The following RABIF variants were observed in gnomAD, a reference collection of about 807,000 sequenced individuals.
RABIF encodes guanine nucleotide exchange factor MSS4.
A neutral mutation model predicts 12.3 loss-of-function variants in RABIF; 13 were observed. The observed-to-expected ratio is 1.06, with a 90% CI of 0.69 to 1.68. The LOEUF (loss-of-function observed/expected upper bound fraction) is 1.68, where lower values mean the gene tolerates loss of function less well. Ranked by LOEUF, RABIF falls within the 40% of genes most tolerant of loss-of-function variation. RABIF has a pLI of 0.00. For missense variants in RABIF, 153 were observed against 158.0 expected (o/e 0.97, Z 0.17); for synonymous variants, 70 against 63.3 (o/e 1.11, Z -0.50).
chr1:202,879,679 T>A lies in RABIF; in HGVS notation c.*1299A>T, dbSNP rs1659459703. On this transcript the variant is annotated 3_prime_UTR_variant, in exon 2 of 2. Transcript: ENST00000367262. Reference sequence around the variant, plus strand: ...TGCCCAAGGCCACCTTGCACTGCAGTCGGGGAGCCCTTAGAAAGTTTGGGG... The same window carrying A: ...TGCCCAAGGCCACCTTGCACTGCAGACGGGGAGCCCTTAGAAAGTTTGGGG... 1 of 152,194 alleles carries A rather than the reference T, an allele frequency of 6.6e-6. No homozygotes were observed. The highest frequency in any genetic ancestry group is 1.5e-5 in the Non-Finnish European group (1 of 68,052). 9.4% of individuals were successfully genotyped at this position (152,194 alleles called of 1,614,324 possible).
chr1:202,889,028 T>G lies in RABIF; in HGVS notation c.71A>C (p.Gln24Pro), dbSNP rs201710125. The change falls in exon 1 of 2, where the codon CAG (glutamine) becomes CCG (proline). Residue 24 changes from glutamine (Q) to proline (P), a missense_variant. Transcript: ENST00000367262. ...EGRNRKAVLC[Q>P]RCGSRVLQPG... ...CTGCAGCACCCGGGAGCCGCAACGC[T>G]GGCACAGCACCGCCTTCCGGTTTCG... The G allele has an allele frequency of 8.7e-6, 14 of 1,608,140 alleles. 1 individual carries two copies. In the Admixed American group the frequency reaches 1.9e-4, roughly 21 times the overall value.
chr1:202,888,904 C>T, intron 1 of RABIF, 69 bp downstream of exon 1: 1 of 1,445,864 alleles, frequency 6.9e-7, no homozygotes, highest in Non-Finnish European at 9.1e-7. Flanking sequence ...AGCCGGGGTT[C>T]AGATTCTGAC....
In RABIF at chr1:202,880,953, T is replaced by C; in HGVS notation, c.*25A>G. On this transcript the variant is annotated 3_prime_UTR_variant, in exon 2 of 2. Transcript: ENST00000367262. ...TGGGGAGTAGGTTTATCTTTGGAGA[T>C]GGAGCTGAGTACCCCTCCCCTCAGT... 5 of 1,610,020 alleles carry C rather than the reference T, an allele frequency of 3.1e-6. No individual in the cohort carries two copies. The highest frequency in any genetic ancestry group is 4.2e-6 in the Non-Finnish European group (5 of 1,176,726).
chr1:202,880,658 A>T lies in RABIF; in HGVS notation c.*320T>A. On this transcript the variant is annotated 3_prime_UTR_variant, in exon 2 of 2. Transcript: ENST00000367262. ...ATACTGCTCTTCTAGAGCAAGAAAA[A>T]GCGGGAGCCCCTGGGCAAAACAGAG... 9.7e-7 allele frequency: 1 copy of T among 1,031,676 alleles called. No individual in the cohort carries two copies. The highest frequency in any genetic ancestry group is 1.2e-6 in the Non-Finnish European group (1 of 847,216). The allele number at this position is 1,031,676 out of a possible 1,614,324, so 63.9% of individuals were successfully genotyped here.
In RABIF at chr1:202,880,856, G is replaced by C; in HGVS notation, c.*122C>G. The stretch of plus-strand genomic sequence containing the variant: ...TCTGCATGTTCAAATGGACATGCTG[G>C]TACTCAGTATTTATATTAGCACAGA... On this transcript the variant is annotated 3_prime_UTR_variant, in exon 2 of 2. Transcript: ENST00000367262. The C allele has an allele frequency of 6.6e-7, 1 of 1,511,792 alleles. No homozygotes were observed. Among genetic ancestry groups the C allele is most frequent in the Non-Finnish European group, 8.8e-7 (1 of 1,133,190 alleles). The allele number at this position is 1,511,792 out of a possible 1,614,324, so 93.6% of individuals were successfully genotyped here.
In RABIF at chr1:202,878,326, T is replaced by G. The variant is rs1439900601; in HGVS notation, c.*2652A>C. On this transcript the variant is annotated 3_prime_UTR_variant, in exon 2 of 2. Transcript: ENST00000367262. ...TAAGCCTCTGAATCACCTCCAAGTT[T>G]GGCAAATGCTCCCAGGAGAACGGTG... Among the ~76,000 whole-genome samples the G allele has an allele frequency of 6.6e-6, 1 of 152,178 alleles. No individual in the cohort carries two copies. The highest frequency in any genetic ancestry group is 6.5e-5 in the Admixed American group (1 of 15,268).
At position 202,878,662 on chromosome 1, in the gene RABIF, G is replaced by A. The variant is rs1659444287; in HGVS notation, c.*2316C>T. ...TTTGTAAAACAACAGACAATTATGTGGAAACAATCAGGCTTTCACAAAATC... is the reference window on the plus strand; with the variant it reads ...TTTGTAAAACAACAGACAATTATGTAGAAACAATCAGGCTTTCACAAAATC... On this transcript the variant is annotated 3_prime_UTR_variant, in exon 2 of 2. Coordinates refer to ENST00000367262, the MANE Select transcript of RABIF (RefSeq NM_002871.5). 6.6e-6 allele frequency among the ~76,000 whole-genome samples: 1 copy of A among 152,110 alleles called. No individual in the cohort carries two copies. Among genetic ancestry groups the A allele is most frequent in the African/African-American group, 2.4e-5 (1 of 41,426 alleles).
At chr1:202,888,932 G>A (rs1282367871) in intron 1 of RABIF, 41 bp downstream of exon 1, 2 of 1,486,842 alleles carry the variant, frequency 1.3e-6, no homozygotes, top group Non-Finnish European at 1.8e-6. Context: ...GCTCGTCGGG[G>A]GAGACTGTGG....
chr1:202,881,266 C>A lies in RABIF; in HGVS notation c.127-43G>T, dbSNP rs756872003. On this transcript the variant is annotated intron_variant, in intron 1 of 1. Coordinates refer to ENST00000367262, the MANE Select transcript of RABIF (RefSeq NM_002871.5). Reference sequence around the variant, plus strand: ...ATAAAGAACGCAGAAGTTGAACTGGCCCAGTTCCATCAACACCCCCGTTCT... The same window carrying A: ...ATAAAGAACGCAGAAGTTGAACTGGACCAGTTCCATCAACACCCCCGTTCT... 3 of 1,577,192 alleles carry A rather than the reference C, an allele frequency of 1.9e-6. No homozygotes were observed. The Admixed American group carries it at 5.4e-5, about 28-fold the overall frequency.
intron 1 of RABIF, among the ~76,000 whole-genome samples, chr1:202,885,300 T>C (rs1659545248): frequency 1.3e-5 from 2 of 152,144 alleles, no homozygotes; most frequent in African/African-American, 2.4e-5. Context: ...GAATATAAGA[T>C]ACAGTAACTC....
rs145418871 is a variant in RABIF at position 202,882,437 on chromosome 1, T to C, written c.127-1214A>G. 1.1e-4 allele frequency among the ~76,000 whole-genome samples: 17 copies of C among 152,264 alleles called. No homozygotes were observed. In the East Asian group the frequency reaches 2.5e-3, roughly 22 times the overall value. ...TGGGTATGGTGGCAAGTGTCCGTAGTCCCAGCTACTCAGGAGGCTGAGGTG... is the reference window on the plus strand; with the variant it reads ...TGGGTATGGTGGCAAGTGTCCGTAGCCCCAGCTACTCAGGAGGCTGAGGTG... On this transcript the variant is annotated intron_variant, in intron 1 of 1. Coordinates refer to ENST00000367262, the MANE Select transcript of RABIF (RefSeq NM_002871.5).
rs1379114285 is a variant in RABIF, at chr1:202,887,022, ATGTTT to A, written c.126+1946_126+1950del. Among the ~76,000 whole-genome samples, 207 of 52,986 alleles carry A rather than the reference ATGTTT, an allele frequency of 3.9e-3. 3 individuals carry two copies. The East Asian group carries it at 0.11, about 28-fold the overall frequency. The allele number at this position is 52,986 out of a possible 152,430, so 34.8% of individuals were successfully genotyped here. A position where few individuals can be genotyped will look rare whatever the true frequency, so the allele number is the denominator to read the frequency against. On this transcript the variant is annotated intron_variant, in intron 1 of 1. Coordinates refer to ENST00000367262, the MANE Select transcript of RABIF (RefSeq NM_002871.5). ...AGAGCTGGGATTACAGGTGTGGGCT[ATGTTT>A]TGTTTTTTTTTTTTTTTTTTAAAGA...
intron 1 of RABIF, 60 bp downstream of exon 1, chr1:202,888,913 A>T: frequency 6.8e-7 from 1 of 1,460,534 alleles, no homozygotes; most frequent in Non-Finnish European, 9.1e-7. Flanking sequence ...TCAGATTCTG[A>T]CTGCGGCGGC....
intron 1 of RABIF, among the ~76,000 whole-genome samples, chr1:202,881,735 T>C (rs1443251014): frequency 6.6e-6 from 1 of 152,198 alleles, no homozygotes; most frequent in Non-Finnish European, 1.5e-5. Context: ...AGCTGGGTGG[T>C]CTGGGAACTC....
intron 1 of RABIF, among the ~76,000 whole-genome samples, chr1:202,888,264 G>A (rs373558066): frequency 6.6e-6 from 1 of 152,034 alleles, no homozygotes; most frequent in Admixed American, 6.5e-5. Context: ...CGATGATGGT[G>A]GTAGGAAGGG....
chr1:202,880,814 G>A lies in RABIF; in HGVS notation c.*164C>T, dbSNP rs546873068. 1 of 1,424,206 alleles carries A rather than the reference G, an allele frequency of 7.0e-7. No individual in the cohort carries two copies. Among genetic ancestry groups the A allele is most frequent in the East Asian group, 2.4e-5 (1 of 41,092 alleles). 88.2% of individuals were successfully genotyped at this position (1,424,206 alleles called of 1,614,324 possible). On this transcript the variant is annotated 3_prime_UTR_variant, in exon 2 of 2. Transcript: ENST00000367262. Reference sequence around the variant, plus strand: ...CAGGAGGCATGTACTTGAGGCTTTAGGAAGCAGGATTAACCCTCTGCATGT... The same window carrying A: ...CAGGAGGCATGTACTTGAGGCTTTAAGAAGCAGGATTAACCCTCTGCATGT...
At position 202,888,968 on chromosome 1, in the gene RABIF, C is replaced by G. The variant is rs1296235080; in HGVS notation, c.126+5G>C. On this transcript the variant is annotated splice_donor_5th_base_variant and intron_variant, in intron 1 of 1. Transcript: ENST00000367262. ...GTGTAAACGGCCTCCAACCTGCCTCCCTACCTGTCGGCGAGAGAAGAGAGC... is the reference window on the plus strand; with the variant it reads ...GTGTAAACGGCCTCCAACCTGCCTCGCTACCTGTCGGCGAGAGAAGAGAGC... 6.4e-7 allele frequency: 1 copy of G among 1,554,192 alleles called. No homozygotes were observed. The highest frequency in any genetic ancestry group is 2.4e-5 in the East Asian group (1 of 41,464).
Position 202,880,318 on chromosome 1 carries a change from A to G in RABIF, c.*660T>C, listed in dbSNP as rs1659468183. On this transcript the variant is annotated 3_prime_UTR_variant, in exon 2 of 2. Coordinates refer to ENST00000367262, the MANE Select transcript of RABIF (RefSeq NM_002871.5). ...GTAGCAGTGAGGAGCTAATATAAAA[A>G]GAAACTACAAGATTTCAAGGGAAGA... 1 of 152,666 alleles carries G rather than the reference A, an allele frequency of 6.6e-6. No homozygotes were observed. Among genetic ancestry groups the G allele is most frequent in the Admixed American group, 6.5e-5 (1 of 15,280 alleles). The allele number at this position is 152,666 out of a possible 1,614,324, so 9.5% of individuals were successfully genotyped here.
chr1:202,887,177 T>C (rs1371749142), intron 1 of RABIF, among the ~76,000 whole-genome samples: 6 of 152,092 alleles, frequency 3.9e-5, no homozygotes, highest in African/African-American at 1.4e-4. Flanking sequence ...ACCTATATTA[T>C]GGGCTATATA....
Sources: allele counts gnomAD v4.1 joint callset (sites outside exome capture counted in the v4.1 genomes callset), GRCh38; gene constraint gnomAD v4.1.1; transcripts MANE v1.5; gene names NCBI Gene and HGNC (gene_info 2026-07-23, HGNC 2026-07-21).